The following OTOG variants were observed in gnomAD, a reference collection of about 807,000 sequenced individuals.
OTOG encodes otogelin.
In OTOG, 296 loss-of-function variants were observed where a neutral mutation model predicts 313.8. The ratio of observed to expected loss-of-function variants is 0.94; its 90% CI spans 0.86 to 1.04. OTOG has a LOEUF of 1.04. Ranked by LOEUF, OTOG falls within the 50% of genes least tolerant of loss-of-function variation. OTOG has a pLI of 0.00. For synonymous variants in OTOG, 1,533 were observed against 1,554.9 expected, an observed-to-expected ratio of 0.99 and a Z score of 0.33; for missense variants, 3,948 against 3,840.1, an observed-to-expected ratio of 1.03 and a Z score of -0.74.
intron 24 of OTOG, among the ~76,000 whole-genome samples, chr11:17,589,336 C>T (rs1036066771): frequency 6.6e-6 from 1 of 152,030 alleles, no homozygotes; most frequent in Admixed American, 6.6e-5. Context: ...GACACCTCCT[C>T]CCCTCTTATT....
At position 17,643,494 on chromosome 11, in the gene OTOG, T is replaced by A; in HGVS notation, c.8449T>A (p.Cys2817Ser). ...GGSVVPSLEG[C>S]CRTCKEDGRS... ...TTCCGTGGTACCTTCCTTGGAAGGA[T>A]GCTGCAGGACCTGTGAGTGAGCATG... The change falls in exon 54 of 56, where the codon TGC (cysteine) becomes AGC (serine). Residue 2817 changes from cysteine to serine, a missense_variant. Cys to Ser is a moderately radical substitution (Grantham distance 112). Transcript: ENST00000399397. 6.9e-7 allele frequency: 1 copy of A among 1,442,284 alleles called. No individual in the cohort carries two copies. The highest frequency in any genetic ancestry group is 9.2e-7 in the Non-Finnish European group (1 of 1,090,682). The allele number at this position is 1,442,284 out of a possible 1,614,324, so 89.3% of individuals were successfully genotyped here. A position where few individuals can be genotyped will look rare whatever the true frequency, so the allele number is the denominator to read the frequency against.
At position 17,645,746 on chromosome 11, in the gene OTOG, G is replaced by T; in HGVS notation, c.8544G>T (p.Val2848=). The part of the protein sequence containing the change: ...RKNECRSSTP[V]NLVSCDGRCP... ...CCTCACTGGCCTGCCCGTTCCAGGT[G>T]AACCTAGTGTCCTGCGATGGGAGGT... Residue 2848 remains valine (V), a splice_region_variant and synonymous_variant, in exon 56 of 56, where the codon GTG becomes GTT. Coordinates refer to ENST00000399397, the MANE Select transcript of OTOG (RefSeq NM_001292063.2). 1 of 1,550,926 alleles carries T rather than the reference G, an allele frequency of 6.4e-7. No individual in the cohort carries two copies. The highest frequency in any genetic ancestry group is 1.2e-5 in the South Asian group (1 of 84,060).
chr11:17,594,211 G>C (rs1853032824), intron 28 of OTOG, 45 bp downstream of exon 28: 1 of 1,549,990 alleles, frequency 6.5e-7, no homozygotes. Flanking sequence ...CACTCAGATG[G>C]GCGCTGCCAG....
intron 15 of OTOG, among the ~76,000 whole-genome samples, chr11:17,563,926 G>A (rs111756046): frequency 6.9e-4 from 96 of 139,472 alleles, no homozygotes; most frequent in African/African-American, 2.6e-3. Flanking sequence ...TCAAACTCCT[G>A]GGCTCATGTG....
At chr11:17,577,966 C>T (rs566421153) in intron 22 of OTOG, among the ~76,000 whole-genome samples, 65 of 152,290 alleles carry the variant, frequency 4.3e-4, no homozygotes, top group African/African-American at 1.4e-3. Context: ...CATCCTCTTT[C>T]TAGCCCTGCT....
intron 24 of OTOG, among the ~76,000 whole-genome samples, chr11:17,588,681 C>T (rs1442860415): frequency 2.6e-5 from 4 of 152,124 alleles, no homozygotes; most frequent in South Asian, 4.2e-4. Flanking sequence ...TACTCCTTCC[C>T]TAATTCTTGG....
At chr11:17,629,087 A>G (rs1023344312) in intron 39 of OTOG, 46 bp from the exon 40 acceptor site, 31 of 1,490,734 alleles carry the variant, frequency 2.1e-5, no homozygotes, top group South Asian at 3.8e-5. Context: ...TGGATGGATG[A>G]ATGAATGGAT....
chr11:17,590,574 G>A (rs1477695079), intron 24 of OTOG, among the ~76,000 whole-genome samples: 3 of 152,186 alleles, frequency 2.0e-5, no homozygotes, highest in Non-Finnish European at 2.9e-5. Context: ...GGCTCGGTGC[G>A]GCAGCCAGAG....
intron 3 of OTOG, among the ~76,000 whole-genome samples, chr11:17,548,907 C>T (rs1018533887): frequency 1.3e-5 from 2 of 152,060 alleles, no homozygotes; most frequent in Non-Finnish European, 2.9e-5. Flanking sequence ...TTGGTAGAGA[C>T]AGAGTCTCAC....
At position 17,605,859 on chromosome 11, in the gene OTOG, C is replaced by A. The variant is rs753578804; in HGVS notation, c.3880C>A (p.Pro1294Thr). The change falls in exon 33 of 56, where the codon CCA (proline) becomes ACA (threonine). Residue 1294 changes from proline (P) to threonine (T), a missense_variant and splice_region_variant. Transcript: ENST00000399397. ...AALYKAKAHD[P>T]DVVSLEAADR... ...TCTCCCCATGTGGTTCTCTGCAGAC[C>A]CAGATGTGGTGTCCCTGGAGGCAGC... The A allele has an allele frequency of 7.1e-6, 11 of 1,540,422 alleles. No individual in the cohort carries two copies. The South Asian group carries it at 1.3e-4, about 19-fold the overall frequency.
At chr11:17,566,024 T>C (rs760348486) in intron 15 of OTOG, among the ~76,000 whole-genome samples, 4 of 152,206 alleles carry the variant, frequency 2.6e-5, no homozygotes, top group Admixed American at 6.5e-5. Flanking sequence ...TGCTCATTGC[T>C]ACTGGGGTAT....
Position 17,629,335 on chromosome 11 carries a change from T to C in OTOG, c.6712+19T>C, listed in dbSNP as rs1256724103. 6.5e-7 allele frequency: 1 copy of C among 1,538,394 alleles called. No individual in the cohort carries two copies. Among genetic ancestry groups the C allele is most frequent in the Non-Finnish European group, 8.8e-7 (1 of 1,140,204 alleles). On this transcript the variant is annotated intron_variant, in intron 40 of 55. Transcript: ENST00000399397. ...CTGTGCGGTGAGGTGGAACCCAGCT[T>C]GCGGGGAGGGGATGCTTCCCAGGTC... is the stretch of plus-strand genomic sequence containing the variant.
chr11:17,625,346 T>C (rs1853958370), intron 39 of OTOG, among the ~76,000 whole-genome samples: 1 of 152,222 alleles, frequency 6.6e-6, no homozygotes, highest in Non-Finnish European at 1.5e-5. Flanking sequence ...CGTAGTTTAT[T>C]GAGAGTTTTA....
In OTOG at chr11:17,593,643, G is replaced by T; in HGVS notation, c.3175G>T (p.Val1059Phe). 6.5e-7 allele frequency: 1 copy of T among 1,549,122 alleles called. No individual in the cohort carries two copies. Among genetic ancestry groups the T allele is most frequent in the Non-Finnish European group, 8.7e-7 (1 of 1,146,990 alleles). Residue 1059 changes from valine (V) to phenylalanine (F), a missense_variant, in exon 27 of 56, where the codon GTC becomes TTC. Val to Phe is a conservative substitution (Grantham distance 50, BLOSUM62 -1). Coordinates refer to ENST00000399397, the MANE Select transcript of OTOG (RefSeq NM_001292063.2). ...GAGCTTCCTGGATGACAAGCAGGAG[G>T]TCCACACATGGCGAGTGGGATTTTT... The part of the protein sequence containing the change: ...PESFLDDKQE[V>F]HTWRVGFFTL...
chr11:17,556,424 C>T (rs1173889604), intron 7 of OTOG, among the ~76,000 whole-genome samples: 1 of 152,196 alleles, frequency 6.6e-6, no homozygotes, highest in Non-Finnish European at 1.5e-5. Flanking sequence ...CTCTTCCTCA[C>T]TGTTCTTTCC....
At chr11:17,638,018 G>A (rs936698141) in intron 47 of OTOG, among the ~76,000 whole-genome samples, 2 of 152,240 alleles carry the variant, frequency 1.3e-5, no homozygotes, top group Non-Finnish European at 2.9e-5. Context: ...GAAAGGAAGT[G>A]CGGGCCCTGC....
chr11:17,597,060 G>A, intron 30 of OTOG, 53 bp downstream of exon 30: 1 of 1,535,878 alleles, frequency 6.5e-7, no homozygotes, highest in Admixed American at 2.0e-5. Flanking sequence ...TCACCTGTGG[G>A]CATGCCCTAG....
chr11:17,610,008 C>A lies in OTOG; in HGVS notation c.4708C>A (p.Leu1570Ile). ...AIPHTPESSS[L>I]PVALQTPTPG... ...CCCCCATACACCAGAGTCCTCATCCCTCCCTGTTGCACTGCAGACACCCAC... is the reference window on the plus strand; with the variant it reads ...CCCCCATACACCAGAGTCCTCATCCATCCCTGTTGCACTGCAGACACCCAC... The change falls in exon 36 of 56, where the codon CTC becomes ATC. Residue 1570 changes from leucine to isoleucine, a missense_variant. Transcript: ENST00000399397. 6.5e-7 allele frequency: 1 copy of A among 1,544,998 alleles called. No individual in the cohort carries two copies. Among genetic ancestry groups the A allele is most frequent in the Non-Finnish European group, 8.7e-7 (1 of 1,143,064 alleles).
At chr11:17,601,273 A>C (rs1032617128) in intron 31 of OTOG, among the ~76,000 whole-genome samples, 1 of 152,084 alleles carries the variant, frequency 6.6e-6, no homozygotes, top group Non-Finnish European at 1.5e-5. Context: ...CAACATTTGC[A>C]TGTGGCAGGA....
Sources: allele counts gnomAD v4.1 joint callset (sites outside exome capture counted in the v4.1 genomes callset), GRCh38; gene constraint gnomAD v4.1.1; transcripts MANE v1.5; gene names NCBI Gene and HGNC (gene_info 2026-07-23, HGNC 2026-07-21).